Variants in ATXN1 observed in about 807,000 individuals in gnomAD.
ATXN1 encodes the protein ataxin-1.
ATXN1 carries 8 observed loss-of-function variants against 56.4 expected under a neutral mutation model. That is an observed-to-expected ratio of 0.14 (90% CI 0.08 to 0.26). The LOEUF (loss-of-function observed/expected upper bound fraction) is 0.26. Among genes scored for constraint, ATXN1 ranks in the 10% least tolerant of loss-of-function variants. The probability of loss-of-function intolerance (pLI) is 1.00; values close to 1 mark genes in which losing one functional copy is unlikely to be tolerated. For synonymous variants in ATXN1, 514 were observed against 494.6 expected (o/e 1.04, Z -0.52); for missense variants, 987 against 1,106.5 (o/e 0.89, Z 1.53).
intron 2 of ATXN1, among the ~76,000 whole-genome samples, chr6:16,702,556 G>A (rs549880289): frequency 1.3e-5 from 2 of 152,268 alleles, no homozygotes; most frequent in Admixed American, 6.5e-5. Context: ...GCAACCTACA[G>A]AATGGGAGAA....
In ATXN1 at chr6:16,535,317, T is replaced by C. The variant is rs146183718; in HGVS notation, c.-360-12629A>G. On this transcript the variant is annotated intron_variant, in intron 4 of 7. Transcript: ENST00000436367. ...TCTTTGGAGAAATGGCTGATTCTAG[T>C]ACTGTGACAGGGAATATCCAAGATG... is the stretch of plus-strand genomic sequence containing the variant. 4.0e-3 allele frequency among the ~76,000 whole-genome samples: 611 copies of C among 152,312 alleles called. 3 individuals carry two copies. The highest frequency in any genetic ancestry group is 6.8e-3 in the Middle Eastern group (2 of 294).
At chr6:16,398,051 G>A (rs901154256) in intron 6 of ATXN1, among the ~76,000 whole-genome samples, 2 of 152,138 alleles carry the variant, frequency 1.3e-5, no homozygotes, top group Middle Eastern at 3.2e-3. Context: ...CTTTACCACA[G>A]GTTATTGCTT....
intron 3 of ATXN1, among the ~76,000 whole-genome samples, chr6:16,596,830 C>T (rs1298848862): frequency 1.1e-4 from 17 of 152,186 alleles, no homozygotes; most frequent in Non-Finnish European, 2.4e-4. Flanking sequence ...TGCCTTCCAC[C>T]GACAGGCACA....
rs532620932 is a variant in ATXN1, at chr6:16,408,185, G to A, written c.-161+77787C>T. On this transcript the variant is annotated intron_variant, in intron 6 of 7. Transcript: ENST00000436367. ...AACTTTCACCACTCAGGAATAGAGA[G>A]GACACATATCCCTGCTGTACTTGGC... Among the ~76,000 whole-genome samples, 223 of 152,226 alleles carry A rather than the reference G, an allele frequency of 1.5e-3. 1 individual carries two copies. The highest frequency in any genetic ancestry group is 5.2e-3 in the African/African-American group (217 of 41,546).
At chr6:16,581,463 A>C (rs1338179815) in intron 4 of ATXN1, among the ~76,000 whole-genome samples, 5 of 152,150 alleles carry the variant, frequency 3.3e-5, no homozygotes, top group Non-Finnish European at 7.3e-5. Context: ...ATGCAGGTCA[A>C]GGCCTAAGGA....
At chr6:16,341,278 A>G (rs1172053376) in intron 6 of ATXN1, among the ~76,000 whole-genome samples, 4 of 152,186 alleles carry the variant, frequency 2.6e-5, no homozygotes, top group Non-Finnish European at 4.4e-5. Flanking sequence ...TCTGGCTGAG[A>G]GACCAGAACC....
At chr6:16,397,010 A>G (rs1561880312) in intron 6 of ATXN1, among the ~76,000 whole-genome samples, 2 of 152,262 alleles carry the variant, frequency 1.3e-5, no homozygotes, top group East Asian at 3.9e-4. Context: ...GGGTGAACAC[A>G]CTTTATGATA....
intron 4 of ATXN1, among the ~76,000 whole-genome samples, chr6:16,549,531 G>C (rs2113725902): frequency 6.6e-6 from 1 of 152,250 alleles, no homozygotes; most frequent in African/African-American, 2.4e-5. Context: ...CTCCCATATA[G>C]GTGTCTGTTG....
intron 5 of ATXN1, among the ~76,000 whole-genome samples, chr6:16,514,854 G>C (rs1346604975): frequency 6.6e-6 from 1 of 151,942 alleles, no homozygotes; most frequent in African/African-American, 2.4e-5. Flanking sequence ...GTGGTGGTGG[G>C]AGGCTGTAAT....
At chr6:16,335,254 G>A (rs1581697067) in intron 6 of ATXN1, among the ~76,000 whole-genome samples, 2 of 152,238 alleles carry the variant, frequency 1.3e-5, no homozygotes, top group Admixed American at 1.3e-4. Context: ...AGCTTCATGG[G>A]GCAGGCCTCT....
At chr6:16,703,436 A>T (rs1232999501) in intron 2 of ATXN1, among the ~76,000 whole-genome samples, 8 of 152,206 alleles carry the variant, frequency 5.3e-5, no homozygotes, top group African/African-American at 1.4e-4. Context: ...CATATGTAAC[A>T]AACCTGCAAG....
chr6:16,707,944 T>C (rs1581383091), intron 2 of ATXN1, among the ~76,000 whole-genome samples: 2 of 151,772 alleles, frequency 1.3e-5, no homozygotes, highest in Non-Finnish European at 1.5e-5. Flanking sequence ...TAGAAAACAT[T>C]AAATGAAGCT....
chr6:16,619,480 A>G (rs1173673990), intron 3 of ATXN1, among the ~76,000 whole-genome samples: 1 of 152,216 alleles, frequency 6.6e-6, no homozygotes, highest in East Asian at 1.9e-4. Context: ...TGTGGGCTTG[A>G]AAATCACACA....
intron 2 of ATXN1, among the ~76,000 whole-genome samples, chr6:16,705,720 C>T (rs1325885082): frequency 1.3e-5 from 2 of 152,172 alleles, no homozygotes; most frequent in Non-Finnish European, 2.9e-5. Context: ...CCTGCAGAAG[C>T]CGCAGCACAC....
At chr6:16,688,087 C>G (rs1033102855) in intron 2 of ATXN1, among the ~76,000 whole-genome samples, 1 of 152,142 alleles carries the variant, frequency 6.6e-6, no homozygotes, top group Non-Finnish European at 1.5e-5. Context: ...TTAACATTAG[C>G]TCTTCAATTT....
chr6:16,569,528 G>GAA (rs60416047), intron 4 of ATXN1, among the ~76,000 whole-genome samples: 48,043 of 95,910 alleles, frequency 0.5, 12,607 homozygotes, highest in East Asian at 0.74. Context: ...CTCCGTCTCA[G>GAA]AAAAAAAAAA....
rs1227807496 is a variant in ATXN1 at position 16,486,025 on chromosome 6, G to A, written c.-214C>T. ...GCCTCAGCCTATACTTCACCATGGA[G>A]ACTTCCCACAGGCTCTGGAGGGCTC... On this transcript the variant is annotated 5_prime_UTR_variant, in exon 6 of 8. Coordinates refer to ENST00000436367, the MANE Select transcript of ATXN1 (RefSeq NM_001128164.2). The A allele has an allele frequency of 6.6e-6, 1 of 152,136 alleles. No individual in the cohort carries two copies. Among genetic ancestry groups the A allele is most frequent in the Non-Finnish European group, 1.5e-5 (1 of 68,036 alleles). The allele number at this position is 152,136 out of a possible 1,614,324, so 9.4% of individuals were successfully genotyped here. A position where few individuals can be genotyped will look rare whatever the true frequency, so the allele number is the denominator to read the frequency against.
intron 5 of ATXN1, among the ~76,000 whole-genome samples, chr6:16,500,496 T>C (rs906216919): frequency 3.3e-5 from 5 of 152,274 alleles, no homozygotes; most frequent in African/African-American, 9.6e-5. Flanking sequence ...CTGAAGAGAA[T>C]AGCAGGCACT....
chr6:16,548,066 A>G (rs1761847411), intron 4 of ATXN1, among the ~76,000 whole-genome samples: 1 of 152,202 alleles, frequency 6.6e-6, no homozygotes, highest in Non-Finnish European at 1.5e-5. Context: ...TAGATGGGAC[A>G]GCCTACTACA....
Sources: gnomAD v4.1 joint callset for allele counts (sites outside exome capture counted in the v4.1 genomes callset) on GRCh38, gnomAD v4.1.1 for gene constraint, MANE v1.5 for transcripts, NCBI Gene and HGNC (gene_info 2026-07-23, HGNC 2026-07-21) for gene names.